LRRIQ1: variants seen among roughly 807,000 people sequenced by gnomAD.
LRRIQ1 encodes the protein leucine rich repeats and IQ motif containing 1.
In LRRIQ1, 210 loss-of-function variants were observed where a neutral mutation model predicts 211.9. That is an observed-to-expected ratio of 0.99 (90% CI 0.89 to 1.11). The LOEUF (loss-of-function observed/expected upper bound fraction) is 1.11, where lower values mean the gene tolerates loss of function less well. Among genes scored for constraint, LRRIQ1 ranks in the 50% most tolerant of loss-of-function variants. LRRIQ1 has a pLI of 0.00. For missense variants in LRRIQ1, 2,136 were observed against 1,939.5 expected (o/e 1.10, Z -1.90); for synonymous variants, 699 against 650.1 (o/e 1.08, Z -1.14).
At chr12:85,174,478 T>TG (rs913198180) in intron 24 of LRRIQ1, among the ~76,000 whole-genome samples, 4 of 151,126 alleles carry the variant, frequency 2.6e-5, no homozygotes, top group Admixed American at 1.3e-4. Context: ...GGCAGATAGT[T>TG]GAGGCCAAGA....
At chr12:85,182,993 A>G (rs974794087) in intron 24 of LRRIQ1, among the ~76,000 whole-genome samples, 12 of 152,180 alleles carry the variant, frequency 7.9e-5, no homozygotes, top group African/African-American at 2.4e-4. Flanking sequence ...AGACTGCAGG[A>G]GCCTTCCAGT....
At chr12:85,140,915 C>A (rs924091831) in intron 19 of LRRIQ1, among the ~76,000 whole-genome samples, 2 of 151,276 alleles carry the variant, frequency 1.3e-5, no homozygotes, top group African/African-American at 4.8e-5. Context: ...TTAGAATAAA[C>A]TAACTTAGCT....
At chr12:85,122,708 A>G (rs905581911) in intron 16 of LRRIQ1, among the ~76,000 whole-genome samples, 6 of 152,076 alleles carry the variant, frequency 3.9e-5, no homozygotes, top group Admixed American at 1.3e-4. Context: ...ATTTTTGAAC[A>G]TAGTCTATTT....
At chr12:85,213,999 A>G (rs1250966858) in intron 24 of LRRIQ1, among the ~76,000 whole-genome samples, 1 of 151,958 alleles carries the variant, frequency 6.6e-6, no homozygotes, top group Non-Finnish European at 1.5e-5. Flanking sequence ...TAATATTGTG[A>G]ACAACTTTAT....
At chr12:85,051,704 G>A (rs1485139207) in intron 6 of LRRIQ1, among the ~76,000 whole-genome samples, 29 of 152,058 alleles carry the variant, frequency 1.9e-4, no homozygotes, top group Admixed American at 1.9e-3. Context: ...TTTGAAGAAG[G>A]GGGTTGTATT....
intron 24 of LRRIQ1, among the ~76,000 whole-genome samples, chr12:85,163,735 A>G (rs146544887): frequency 2.2e-3 from 334 of 152,242 alleles, no homozygotes; most frequent in African/African-American, 7.8e-3. Context: ...GCTTAAATTC[A>G]AGGAATAGTT....
Position 85,056,613 on chromosome 12 carries a change from T to G in LRRIQ1, c.1820T>G (p.Ile607Ser), listed in dbSNP as rs1378341869. ...TATAAAGATAAGGATACTTTAGTTA[T>G]TTCAGTGAAACAAAGATCACTCTCA... Reference protein sequence around the residue: ...LLYKDKDTLVISVKQRSLSLT... With the variant: ...LLYKDKDTLVSSVKQRSLSLT... Residue 607 changes from isoleucine (I) to serine (S), a missense_variant, in exon 8 of 27, where the codon ATT becomes AGT. Physicochemically the swap from Ile to Ser is moderately radical, Grantham distance 142. Transcript: ENST00000393217. 2.5e-6 allele frequency: 4 copies of G among 1,594,650 alleles called. No individual in the cohort carries two copies. The Admixed American group carries it at 7.1e-5, about 28-fold the overall frequency.
Position 85,057,039 on chromosome 12 carries a change from T to C in LRRIQ1, c.2246T>C (p.Phe749Ser). Residue 749 changes from phenylalanine (F) to serine (S), a missense_variant, in exon 8 of 27, where the codon TTT becomes TCT. By Grantham distance (155) the Phe-to-Ser change is radical. Transcript: ENST00000393217. ...AGGAGACTAGCCTGGATAAAATCAT[T>C]TAAACCTTGGCTTGAAATTTTCAAG... ...EERRLAWIKSFKPWLEIFKQN... is the reference protein window; with the variant it reads ...EERRLAWIKSSKPWLEIFKQN... 6.2e-7 allele frequency: 1 copy of C among 1,608,730 alleles called. No individual in the cohort carries two copies.
Position 85,153,645 on chromosome 12 carries a change from GT to G in LRRIQ1, c.4542-11del, listed in dbSNP as rs896435633. ...ACTTGTGTTGATTCAGTTAAAAGTG[GT>G]TTTTTTCTATTGCCAGATCAGAAAA... On this transcript the variant is annotated splice_polypyrimidine_tract_variant and intron_variant, in intron 21 of 26. Coordinates refer to ENST00000393217, the MANE Select transcript of LRRIQ1 (RefSeq NM_001079910.2). 2 of 1,526,594 alleles carry G rather than the reference GT, an allele frequency of 1.3e-6. No individual in the cohort carries two copies. Among genetic ancestry groups the G allele is most frequent in the Non-Finnish European group, 1.8e-6 (2 of 1,121,530 alleles). The allele number at this position is 1,526,594 out of a possible 1,614,324, so 94.6% of individuals were successfully genotyped here. A position where few individuals can be genotyped will look rare whatever the true frequency, so the allele number is the denominator to read the frequency against.
intron 26 of LRRIQ1, among the ~76,000 whole-genome samples, chr12:85,241,102 A>G (rs1468447055): frequency 2.0e-5 from 3 of 152,068 alleles, no homozygotes; most frequent in Non-Finnish European, 4.4e-5. Context: ...GTATTGATAC[A>G]GTGTCAGTTT....
chr12:85,219,749 T>C (rs1035627793), intron 24 of LRRIQ1, among the ~76,000 whole-genome samples: 1 of 152,134 alleles, frequency 6.6e-6, no homozygotes, highest in African/African-American at 2.4e-5. Flanking sequence ...GAAGTCATTT[T>C]TTCTGAGTGA....
chr12:85,183,335 G>A (rs960405838), intron 24 of LRRIQ1, among the ~76,000 whole-genome samples: 3 of 151,716 alleles, frequency 2.0e-5, no homozygotes, highest in African/African-American at 4.8e-5. Flanking sequence ...TTTTTCCAGC[G>A]ACAAGTTTCT....
At chr12:85,107,398 A>C (rs1273809146) in intron 15 of LRRIQ1, among the ~76,000 whole-genome samples, 1 of 151,782 alleles carries the variant, frequency 6.6e-6, no homozygotes, top group Non-Finnish European at 1.5e-5. Context: ...TATGGCTTTC[A>C]TTGTTTCTGG....
chr12:85,252,478 G>T (rs1430303299), intron 1 of LRRIQ1, among the ~76,000 whole-genome samples: 2 of 151,870 alleles, frequency 1.3e-5, no homozygotes, highest in African/African-American at 4.8e-5. Context: ...GGTTATTAAA[G>T]TGTATGAAGT....
the LRRIQ1 span, among the ~76,000 whole-genome samples, chr12:85,271,574 A>G: frequency 1.3e-5 from 2 of 152,038 alleles, no homozygotes; most frequent in Non-Finnish European, 2.9e-5. Context: ...GCTCTTCTTA[A>G]TTCTCTAGAT....
intron 24 of LRRIQ1, among the ~76,000 whole-genome samples, chr12:85,194,631 C>A (rs1346719033): frequency 6.6e-6 from 1 of 151,706 alleles, no homozygotes; most frequent in Non-Finnish European, 1.5e-5. Context: ...CCAACGAGAA[C>A]AAAGACACAA....
At chr12:85,084,775 A>C (rs1884640552) in intron 11 of LRRIQ1, among the ~76,000 whole-genome samples, 2 of 151,744 alleles carry the variant, frequency 1.3e-5, no homozygotes, top group East Asian at 3.9e-4. Context: ...AAAATACAAA[A>C]ATTAGCCAGG....
At chr12:85,212,911 A>T (rs933036925) in intron 24 of LRRIQ1, among the ~76,000 whole-genome samples, 2 of 151,314 alleles carry the variant, frequency 1.3e-5, no homozygotes, top group African/African-American at 2.4e-5. Flanking sequence ...GAAAGAAAAG[A>T]AGTACTCTAT....
chr12:85,047,689 G>A (rs1047452669), intron 6 of LRRIQ1: 1 of 427,612 alleles, frequency 2.3e-6, no homozygotes, highest in Non-Finnish European at 4.2e-6. Flanking sequence ...CTGATCTTGG[G>A]GGCCAATGGA....
Sources: gnomAD v4.1 joint callset for allele counts (sites outside exome capture counted in the v4.1 genomes callset) on GRCh38, gnomAD v4.1.1 for gene constraint, MANE v1.5 for transcripts, NCBI Gene and HGNC (gene_info 2026-07-23, HGNC 2026-07-21) for gene names.